Variants in AFG2A observed in about 807,000 individuals in gnomAD.
AFG2A encodes the protein ATPase family gene 2 protein homolog A.
chr4:123,211,821 C>T, the AFG2A span, among the ~76,000 whole-genome samples: 1 of 151,760 alleles, frequency 6.6e-6, no homozygotes, highest in South Asian at 2.1e-4. Flanking sequence ...TAGGTGGTAG[C>T]TTTAAGATAC....
At chr4:122,981,830 A>G in the AFG2A span, among the ~76,000 whole-genome samples, 1 of 151,580 alleles carries the variant, frequency 6.6e-6, no homozygotes, top group South Asian at 2.1e-4. Flanking sequence ...TAGAAATGCT[A>G]CTGACTTTTG....
At chr4:122,967,271 G>C in the AFG2A span, among the ~76,000 whole-genome samples, 1 of 151,932 alleles carries the variant, frequency 6.6e-6, no homozygotes, top group Non-Finnish European at 1.5e-5. Flanking sequence ...GTGGTAGTGT[G>C]TGTCTGTAGT....
At chr4:123,041,291 T>TTTTTC in the AFG2A span, among the ~76,000 whole-genome samples, 38 of 145,198 alleles carry the variant, frequency 2.6e-4, 1 homozygote, top group Non-Finnish European at 4.9e-4. Flanking sequence ...TTTTTTTTTT[T>TTTTTC]TTTGTATTTT....
At chr4:123,078,192 A>T in the AFG2A span, among the ~76,000 whole-genome samples, 177 of 152,118 alleles carry the variant, frequency 1.2e-3, no homozygotes, top group Non-Finnish European at 1.9e-3. Flanking sequence ...TTTTTCATCT[A>T]GCACATTATC....
the AFG2A span, among the ~76,000 whole-genome samples, chr4:123,228,279 T>G: frequency 6.6e-6 from 1 of 152,140 alleles, no homozygotes; most frequent in Admixed American, 6.6e-5. Context: ...TAGCTGGTTA[T>G]TTTGCTCGTT....
chr4:123,292,627 C>A, the AFG2A span, among the ~76,000 whole-genome samples: 11 of 152,248 alleles, frequency 7.2e-5, no homozygotes, highest in South Asian at 6.2e-4. Context: ...CAAAGACTTT[C>A]CAAGTTCCTT....
At chr4:123,131,734 CA>C in the AFG2A span, among the ~76,000 whole-genome samples, 1 of 152,080 alleles carries the variant, frequency 6.6e-6, no homozygotes, top group East Asian at 1.9e-4. Context: ...TGTAGATGGA[CA>C]GTTAGGTTGT....
the AFG2A span, chr4:123,318,798 T>A: frequency 6.6e-6 from 1 of 151,818 alleles, no homozygotes; most frequent in African/African-American, 2.4e-5. Flanking sequence ...TGTATGATCC[T>A]ATTATTTGGG....
chr4:122,968,217 C>G, the AFG2A span, among the ~76,000 whole-genome samples: 1 of 152,154 alleles, frequency 6.6e-6, no homozygotes, highest in Non-Finnish European at 1.5e-5. Flanking sequence ...TTTAAACCAG[C>G]TCTGTGTTGT....
the AFG2A span, chr4:123,316,829 A>C: frequency 6.6e-6 from 1 of 152,246 alleles, no homozygotes. Context: ...CACTCTCAGC[A>C]CAAGGGTAGA....
At chr4:123,306,908 G>A in the AFG2A span, among the ~76,000 whole-genome samples, 2 of 152,202 alleles carry the variant, frequency 1.3e-5, no homozygotes, top group Non-Finnish European at 2.9e-5. Context: ...TCATTTCTAT[G>A]ATGTAGTCTG....
At chr4:123,194,549 G>A in the AFG2A span, among the ~76,000 whole-genome samples, 2,118 of 152,226 alleles carry the variant, frequency 0.014, 51 homozygotes, top group African/African-American at 0.049. Context: ...TATTTTCTCT[G>A]TGAGGAAAAG....
At chr4:123,140,512 A>ATTG in the AFG2A span, among the ~76,000 whole-genome samples, 5 of 139,976 alleles carry the variant, frequency 3.6e-5, no homozygotes, top group African/African-American at 1.5e-4. Context: ...TTTTTTTTTA[A>ATTG]AAAAGCGATT....
At chr4:123,251,201 A>C in the AFG2A span, among the ~76,000 whole-genome samples, 1 of 152,220 alleles carries the variant, frequency 6.6e-6, no homozygotes, top group East Asian at 1.9e-4. Flanking sequence ...ATTAGAAAGG[A>C]AATTTTAAAA....
the AFG2A span, among the ~76,000 whole-genome samples, chr4:123,180,978 C>CTTTTTTTTTTTTTTTTTTT: frequency 1.7e-5 from 2 of 118,364 alleles, no homozygotes; most frequent in Non-Finnish European, 3.4e-5. Context: ...TCCTCCCCCT[C>CTTTTTTTTTTTTTTTTTTT]TTTTTTTTTT....
At chr4:123,066,629 T>G in the AFG2A span, among the ~76,000 whole-genome samples, 1 of 152,174 alleles carries the variant, frequency 6.6e-6, no homozygotes, top group Non-Finnish European at 1.5e-5. Flanking sequence ...ATGAAGAATT[T>G]TTTTATGTTT....
chr4:123,008,725 G>A, the AFG2A span, among the ~76,000 whole-genome samples: 5 of 152,138 alleles, frequency 3.3e-5, no homozygotes, highest in African/African-American at 1.2e-4. Context: ...ATGCTCTAAG[G>A]TAAAATGGGG....
chr4:123,006,270 A>T, the AFG2A span, among the ~76,000 whole-genome samples: 1 of 150,670 alleles, frequency 6.6e-6, no homozygotes, highest in Non-Finnish European at 1.5e-5. Flanking sequence ...TGCTTTCTTC[A>T]TTTTCTTTGT....
the AFG2A span, among the ~76,000 whole-genome samples, chr4:123,300,521 T>A: frequency 6.6e-6 from 1 of 152,142 alleles, no homozygotes; most frequent in Non-Finnish European, 1.5e-5. Flanking sequence ...CAACAGCCCA[T>A]ATAATTTTGC....
Sources: allele counts gnomAD v4.1 joint callset (sites outside exome capture counted in the v4.1 genomes callset), GRCh38; gene constraint gnomAD v4.1.1; transcripts MANE v1.5; gene names NCBI Gene and HGNC (gene_info 2026-07-23, HGNC 2026-07-21).